CTBP2: variants seen among roughly 807,000 people sequenced by gnomAD.
The protein encoded by CTBP2 is C-terminal binding protein 2.
CTBP2 carries 30 observed loss-of-function variants against 80.3 expected under a neutral mutation model. That is an observed-to-expected ratio of 0.37 (90% CI 0.28 to 0.51). The LOEUF is 0.51. Among genes scored for constraint, CTBP2 ranks in the 20% least tolerant of loss-of-function variants. The pLI is 0.93. For missense variants in CTBP2, 1,212 were observed against 1,375.3 expected (o/e 0.88, Z 1.88); for synonymous variants, 594 against 587.4 (o/e 1.01, Z -0.16).
rs562866755 is a variant in CTBP2, at chr10:125,136,648, C to T, written c.-206+23671G>A. Among the ~76,000 whole-genome samples, 10 of 152,342 alleles carry T rather than the reference C, an allele frequency of 6.6e-5. No individual in the cohort carries two copies. The East Asian group carries it at 1.9e-3, about 29-fold the overall frequency. On this transcript the variant is annotated intron_variant, in intron 1 of 10. Transcript: ENST00000337195. The stretch of plus-strand genomic sequence containing the variant: ...CCTCAGCACCTTCCAAGCCTCCCTA[C>T]TTAGGCCTCTTTTGCTCCTAAAACA...
intron 1 of CTBP2, among the ~76,000 whole-genome samples, chr10:125,022,224 C>T (rs1289998032): frequency 2.0e-5 from 3 of 152,206 alleles, no homozygotes; most frequent in Non-Finnish European, 4.4e-5. Context: ...TGTAGGGACG[C>T]TCTTCCAAGC....
In CTBP2 at chr10:124,993,313, A is replaced by G. The variant is rs1280802813; in HGVS notation, c.2548T>C (p.Leu850=). The change falls in exon 7 of 9, where the codon TTG becomes CTG. Residue 850 remains leucine (L), a synonymous_variant. Transcript: ENST00000309035. ...CAGATGAGATTCGGGGCATCTTTCAACGGACCCTGAGCAAAGCTAGAAAAA... is the reference window on the plus strand; with the variant it reads ...CAGATGAGATTCGGGGCATCTTTCAGCGGACCCTGAGCAAAGCTAGAAAAA... 3 of 1,609,422 alleles carry G rather than the reference A, an allele frequency of 1.9e-6. No homozygotes were observed. Among genetic ancestry groups the G allele is most frequent in the East Asian group, 2.2e-5 (1 of 44,740 alleles).
intron 1 of CTBP2, among the ~76,000 whole-genome samples, chr10:125,019,586 C>T (rs1374026062): frequency 6.6e-6 from 1 of 152,210 alleles, no homozygotes; most frequent in Non-Finnish European, 1.5e-5. Context: ...AGCTCAGCTT[C>T]TGCAAAGCAC....
chr10:125,077,012 C>T (rs544213667), intron 2 of CTBP2, among the ~76,000 whole-genome samples: 7 of 152,294 alleles, frequency 4.6e-5, no homozygotes, highest in Admixed American at 1.3e-4. Flanking sequence ...CTGTAGCGAA[C>T]GCACAGGTCA....
At chr10:125,126,655 C>T (rs1405808646) in intron 1 of CTBP2, among the ~76,000 whole-genome samples, 1 of 152,232 alleles carries the variant, frequency 6.6e-6, no homozygotes, top group Non-Finnish European at 1.5e-5. Flanking sequence ...GGCCTCGGCC[C>T]CAGAGAAGCT....
intron 2 of CTBP2, among the ~76,000 whole-genome samples, chr10:125,073,708 C>T (rs77030534): frequency 0.081 from 12,388 of 152,254 alleles, 536 homozygotes; most frequent in Middle Eastern, 0.15. Context: ...AGCTAAGTTT[C>T]ACCAAAAAGA....
In CTBP2 at chr10:125,095,800, T is replaced by C. The variant is rs117568689; in HGVS notation, c.-102+15190A>G. ...ACAGCACAGTTTCTGTAGGAAGTAGTAGGTTTCTCACTGTTTACAAAAGCT... is the reference window on the plus strand; with the variant it reads ...ACAGCACAGTTTCTGTAGGAAGTAGCAGGTTTCTCACTGTTTACAAAAGCT... On this transcript the variant is annotated intron_variant, in intron 2 of 10. Transcript: ENST00000337195. Among the ~76,000 whole-genome samples the C allele has an allele frequency of 3.3e-5, 5 of 152,258 alleles. No individual in the cohort carries two copies. In the East Asian group the frequency reaches 9.7e-4, roughly 29 times the overall value.
At chr10:125,003,681 C>T (rs1368641768) in intron 1 of CTBP2, among the ~76,000 whole-genome samples, 189 bp from the exon 4 acceptor site, 1 of 152,200 alleles carries the variant, frequency 6.6e-6, no homozygotes, top group Non-Finnish European at 1.5e-5. Context: ...CACTTCCCAT[C>T]CACTTGCGGC....
At position 124,986,179 on chromosome 10, in the gene CTBP2, A is replaced by G. The variant is rs1238783207; in HGVS notation, c.*3339T>C. 1.3e-5 allele frequency: 2 copies of G among 152,498 alleles called. No homozygotes were observed. The highest frequency in any genetic ancestry group is 2.9e-5 in the Non-Finnish European group (2 of 67,980). The allele number at this position is 152,498 out of a possible 1,614,324, so 9.4% of individuals were successfully genotyped here. ...CAGGTATACATTCAATACTGGGTAAAAATTTCAGACCTATCTCAGGAACAC... is the reference window on the plus strand; with the variant it reads ...CAGGTATACATTCAATACTGGGTAAGAATTTCAGACCTATCTCAGGAACAC... On this transcript the variant is annotated 3_prime_UTR_variant, in exon 9 of 9. Coordinates refer to ENST00000309035, the MANE Select transcript of CTBP2 (RefSeq NM_022802.3).
chr10:125,026,323 G>C lies in CTBP2; in HGVS notation c.1437C>G (p.Ala479=). The C allele has an allele frequency of 2.5e-6, 4 of 1,613,926 alleles. No homozygotes were observed. Among genetic ancestry groups the C allele is most frequent in the Non-Finnish European group, 3.4e-6 (4 of 1,179,970 alleles). The stretch of plus-strand genomic sequence containing the variant: ...TGGGCACCGTGTATGCCGTGGAGTA[G>C]GCTGTTCTGGGGCCTGGGTGAAGGG... The change falls in exon 1 of 9, where the codon GCC becomes GCG. Residue 479 remains alanine, a synonymous_variant. Transcript: ENST00000309035.
chr10:125,130,702 A>T (rs572886364), intron 1 of CTBP2, among the ~76,000 whole-genome samples: 1 of 152,296 alleles, frequency 6.6e-6, no homozygotes, highest in East Asian at 1.9e-4. Flanking sequence ...CATTTTCATT[A>T]CTGATGCTTC....
At chr10:125,141,662 ATACACAGCAGG>A (rs899805001) in intron 1 of CTBP2, among the ~76,000 whole-genome samples, 3 of 151,950 alleles carry the variant, frequency 2.0e-5, no homozygotes, top group Non-Finnish European at 2.9e-5. Flanking sequence ...TACATGGCAA[ATACACAGCAGG>A]TACACAGCGA....
At position 124,994,667 on chromosome 10, in the gene CTBP2, C is replaced by G. The variant is rs150354978; in HGVS notation, c.2202G>C (p.Ala734=). The G allele has an allele frequency of 1.2e-6, 2 of 1,614,198 alleles. No homozygotes were observed. Among genetic ancestry groups the G allele is most frequent in the African/African-American group, 2.7e-5 (2 of 75,050 alleles). ...CAAAGGCCTTGGCTCGAACTGCAAC[C>G]GCCTGCCCCGTGCGACCTGTACAGA... The change falls in exon 5 of 9, where the codon GCG becomes GCC. Residue 734 remains alanine, a synonymous_variant. Transcript: ENST00000309035.
In CTBP2 at chr10:125,026,293, C is replaced by A. The variant is rs773167945; in HGVS notation, c.1467G>T (p.Glu489Asp). 16 of 1,613,966 alleles carry A rather than the reference C, an allele frequency of 9.9e-6. No homozygotes were observed. The highest frequency in any genetic ancestry group is 1.4e-5 in the Non-Finnish European group (16 of 1,179,964). The change falls in exon 1 of 9, where the codon GAG (glutamate) becomes GAT (aspartate). Residue 489 changes from glutamate (E) to aspartate (D), a missense_variant. Around this residue, in one of 3 missense-constraint regions of CTBP2, gnomAD observed 848 missense variants for 782.3 expected, o/e 1.08. Transcript: ENST00000309035. ...CCACGTTGCGCTCCCTCTTTAGCAG[C>A]TCCATGGGCACCGTGTATGCCGTGG...
intron 2 of CTBP2, among the ~76,000 whole-genome samples, chr10:125,072,796 C>T (rs991953540): frequency 1.3e-5 from 2 of 152,166 alleles, no homozygotes; most frequent in Non-Finnish European, 2.9e-5. Context: ...GGAGCACACA[C>T]AGGATCTTGT....
At chr10:125,067,460 GATA>G (rs146896854) in intron 2 of CTBP2, among the ~76,000 whole-genome samples, 2,785 of 152,232 alleles carry the variant, frequency 0.018, 79 homozygotes, top group African/African-American at 0.063. Flanking sequence ...AATGTCAAAT[GATA>G]ATAAGGAAAC....
chr10:125,103,543 C>T (rs948468054), intron 2 of CTBP2, among the ~76,000 whole-genome samples: 2 of 152,254 alleles, frequency 1.3e-5, no homozygotes, highest in East Asian at 3.9e-4. Context: ...CTGAAGACTC[C>T]CTCCAGACAA....
intron 2 of CTBP2, among the ~76,000 whole-genome samples, chr10:125,069,532 T>C (rs946740851): frequency 1.3e-5 from 2 of 152,152 alleles, no homozygotes; most frequent in Non-Finnish European, 2.9e-5. Flanking sequence ...GCAGGAGAAC[T>C]GCCACGAACC....
intron 3 of CTBP2, 60 bp downstream of exon 5, chr10:125,002,900 C>T: frequency 3.8e-6 from 6 of 1,591,224 alleles, no homozygotes; most frequent in Non-Finnish European, 5.1e-6. Flanking sequence ...CCAAGCCCAC[C>T]CGAGCAGGGC....
Sources: allele counts gnomAD v4.1 joint callset (sites outside exome capture counted in the v4.1 genomes callset), GRCh38; gene constraint gnomAD v4.1.1; regional missense constraint gnomAD v4.1.1; transcripts MANE v1.5; gene names NCBI Gene and HGNC (gene_info 2026-07-23, HGNC 2026-07-21).